SHOC1: variants seen among roughly 807,000 people sequenced by gnomAD.
SHOC1 encodes the protein protein shortage in chiasmata 1 ortholog.
SHOC1 carries 136 observed loss-of-function variants against 179.2 expected under a neutral mutation model. That is an observed-to-expected ratio of 0.76 (90% CI 0.66 to 0.87). The LOEUF (loss-of-function observed/expected upper bound fraction) is 0.87. Ranked by LOEUF, SHOC1 falls within the 40% of genes least tolerant of loss-of-function variation. The pLI, the probability that SHOC1 is intolerant of heterozygous loss-of-function variation, is 0.00. For missense variants in SHOC1, 1,538 were observed against 1,700.8 expected (o/e 0.90, Z 1.68); for synonymous variants, 489 against 586.6 (o/e 0.83, Z 2.41).
At chr9:111,784,424 A>G (rs924911991) in intron 3 of SHOC1, among the ~76,000 whole-genome samples, 17 of 152,184 alleles carry the variant, frequency 1.1e-4, no homozygotes, top group African/African-American at 4.1e-4. Flanking sequence ...CTCCGTTACT[A>G]TAAGCCTTGT....
chr9:111,721,760 G>A, intron 15 of SHOC1, among the ~76,000 whole-genome samples: 1 of 152,186 alleles, frequency 6.6e-6, no homozygotes, highest in East Asian at 1.9e-4. Context: ...ACTCTTATCT[G>A]TCTTGGTCTC....
At chr9:111,716,744 C>T (rs1021276892) in intron 16 of SHOC1, among the ~76,000 whole-genome samples, 1 of 152,282 alleles carries the variant, frequency 6.6e-6, no homozygotes, top group African/African-American at 2.4e-5. Context: ...GCATACTGTA[C>T]TTGTCTAGAT....
chr9:111,743,197 T>C (rs1589432693), intron 10 of SHOC1, among the ~76,000 whole-genome samples: 1 of 152,134 alleles, frequency 6.6e-6, no homozygotes, highest in Non-Finnish European at 1.5e-5. Flanking sequence ...TACAATAACA[T>C]TCTTTGTTAT....
chr9:111,757,297 T>C (rs943905928), intron 7 of SHOC1, among the ~76,000 whole-genome samples: 3 of 152,012 alleles, frequency 2.0e-5, no homozygotes, highest in African/African-American at 7.2e-5. Context: ...AGAGACAGAG[T>C]TTCACCATGT....
At chr9:111,752,642 T>A (rs1371033733) in intron 8 of SHOC1, among the ~76,000 whole-genome samples, 2 of 152,114 alleles carry the variant, frequency 1.3e-5, no homozygotes, top group Non-Finnish European at 2.9e-5. Flanking sequence ...GAAATTAGTA[T>A]CCAAAGATTT....
At chr9:111,714,870 A>C (rs889260187) in intron 16 of SHOC1, among the ~76,000 whole-genome samples, 1 of 152,096 alleles carries the variant, frequency 6.6e-6, no homozygotes, top group Non-Finnish European at 1.5e-5. Context: ...TAAATACATA[A>C]CCTATCCTGC....
intron 13 of SHOC1, 30 bp from the exon 14 acceptor site, chr9:111,723,941 T>G: frequency 6.9e-7 from 1 of 1,438,972 alleles, no homozygotes; most frequent in Non-Finnish European, 9.4e-7. Flanking sequence ...ATATAAATTT[T>G]TGTTGTTCAA....
chr9:111,723,512 C>G (rs112777603), intron 14 of SHOC1, among the ~76,000 whole-genome samples: 1 of 152,028 alleles, frequency 6.6e-6, no homozygotes, highest in Admixed American at 6.6e-5. Flanking sequence ...CAGAAGAGTC[C>G]GAGGAGGTAC....
intron 3 of SHOC1, among the ~76,000 whole-genome samples, chr9:111,781,529 C>G (rs1037034397): frequency 6.6e-6 from 1 of 152,092 alleles, no homozygotes; most frequent in Non-Finnish European, 1.5e-5. Context: ...TCGAGACCAG[C>G]CTGGCCAACA....
At chr9:111,759,211 G>T (rs766190754) in intron 5 of SHOC1, 1 of 1,613,592 alleles carries the variant, frequency 6.2e-7, no homozygotes, top group South Asian at 1.1e-5. Context: ...AGAAGTATTT[G>T]ACTTCTGCTG....
rs1435920600 is a variant in SHOC1, at chr9:111,738,303, G to A, written c.1394C>T (p.Pro465Leu). 8 of 1,610,438 alleles carry A rather than the reference G, an allele frequency of 5.0e-6. No individual in the cohort carries two copies. The highest frequency in any genetic ancestry group is 6.8e-6 in the Non-Finnish European group (8 of 1,178,366). Residue 465 changes from proline to leucine, a missense_variant, in exon 12 of 28, where the codon CCT (proline) becomes CTT (leucine). Transcript: ENST00000682961. ...ACATTCTAATTGAAGCACTTTCGTAGGCAAAAATATCTCAATTTTAGTGTC... is the reference window on the plus strand; with the variant it reads ...ACATTCTAATTGAAGCACTTTCGTAAGCAAAAATATCTCAATTTTAGTGTC... Reference protein sequence around the residue: ...SNDTKIEIFLPTKVLQLESCL... With the variant: ...SNDTKIEIFLLTKVLQLESCL...
chr9:111,725,818 T>G (rs981748807), intron 13 of SHOC1, among the ~76,000 whole-genome samples: 55 of 152,328 alleles, frequency 3.6e-4, no homozygotes, highest in African/African-American at 1.3e-3. Context: ...TAAAATAATA[T>G]TTAAAGATTT....
chr9:111,720,671 CAG>C (rs1368464818), intron 15 of SHOC1, among the ~76,000 whole-genome samples: 3 of 152,188 alleles, frequency 2.0e-5, no homozygotes, highest in Admixed American at 6.5e-5. Flanking sequence ...ACAGTTTTTG[CAG>C]AGTGATTGTT....
chr9:111,756,369 TC>T lies in SHOC1; in HGVS notation c.817del (p.Glu273LysfsTer2). On this transcript the variant is annotated frameshift_variant, in exon 8 of 28. Coordinates refer to ENST00000682961, the MANE Select transcript of SHOC1 (RefSeq NM_001378211.1). LOFTEE classifies it high-confidence loss of function. ...CTTTTCATCTACATAGTTTATTATT[TC>T]TGGCACTGGGTTTAATAACTCCTTC... ...ELKELLNPVPEIINYVDEKEK... is the reference protein window; with the variant it reads ...ELKELLNPVPXIINYVDEKEK... The T allele has an allele frequency of 6.2e-7, 1 of 1,610,792 alleles. No individual in the cohort carries two copies. The highest frequency in any genetic ancestry group is 8.5e-7 in the Non-Finnish European group (1 of 1,178,694).
chr9:111,756,021 C>T (rs1756625226), intron 8 of SHOC1, among the ~76,000 whole-genome samples: 1 of 152,012 alleles, frequency 6.6e-6, no homozygotes, highest in South Asian at 2.1e-4. Context: ...ACTCGGGAGG[C>T]TGAGGTGGGA....
intron 1 of SHOC1, among the ~76,000 whole-genome samples, chr9:111,794,662 C>CG (rs780334212): frequency 6.6e-5 from 10 of 152,282 alleles, no homozygotes; most frequent in Non-Finnish European, 1.5e-4. Context: ...CATACAACTT[C>CG]TAGTTGATGG....
chr9:111,765,288 C>G (rs1030922361), intron 5 of SHOC1, among the ~76,000 whole-genome samples: 2 of 151,614 alleles, frequency 1.3e-5, no homozygotes, highest in Admixed American at 6.6e-5. Flanking sequence ...AGAATTATAC[C>G]AAAGATTAAC....
In SHOC1 at chr9:111,689,189, C is replaced by T. The variant is rs539341274; in HGVS notation, c.4427-2319G>A. The stretch of plus-strand genomic sequence containing the variant: ...TTGCTTGAGCCCAAGAGTTTGAGAC[C>T]AGACTGGGCAACATGGCAAGACTTT... On this transcript the variant is annotated intron_variant, in intron 27 of 27. Transcript: ENST00000682961. 5.3e-5 allele frequency among the ~76,000 whole-genome samples: 8 copies of T among 151,798 alleles called. No individual in the cohort carries two copies. The South Asian group carries it at 1.7e-3, about 32-fold the overall frequency.
intron 11 of SHOC1, 82 bp downstream of exon 11, chr9:111,741,394 A>G: frequency 1.3e-6 from 1 of 769,222 alleles, no homozygotes; most frequent in East Asian, 2.6e-5. Flanking sequence ...ATGGTCAAAG[A>G]AAAAGGATAT....
Sources: allele counts gnomAD v4.1 joint callset (sites outside exome capture counted in the v4.1 genomes callset), GRCh38; gene constraint gnomAD v4.1.1; transcripts MANE v1.5; gene names NCBI Gene and HGNC (gene_info 2026-07-23, HGNC 2026-07-21).